The following MARK1 variants were observed in gnomAD, a reference collection of about 807,000 sequenced individuals.
MARK1 encodes the protein microtubule affinity regulating kinase 1.
Under a neutral mutation model 96.3 loss-of-function variants are expected in MARK1, and 40 were observed. The ratio of observed to expected loss-of-function variants is 0.42; its 90% CI spans 0.32 to 0.54. The LOEUF (loss-of-function observed/expected upper bound fraction) is 0.54. Among genes scored for constraint, MARK1 ranks in the 20% least tolerant of loss-of-function variants. MARK1 has a pLI of 0.16. For missense variants in MARK1, 719 were observed against 984.6 expected (o/e 0.73, Z 3.61); for synonymous variants, 317 against 341.2 (o/e 0.93, Z 0.78).
In MARK1 at chr1:220,635,974, C is replaced by G; in HGVS notation, c.1418C>G (p.Thr473Ser). The change falls in exon 13 of 18, where the codon ACT becomes AGT. Residue 473 changes from threonine (T) to serine (S), a missense_variant. By Grantham distance (58) the Thr-to-Ser change is moderately conservative (BLOSUM62 1). This residue lies in a region of MARK1 where 501 missense variants were observed against 588.3 expected (regional missense o/e 0.85). Coordinates refer to ENST00000366917, the MANE Select transcript of MARK1 (RefSeq NM_018650.5). ...STTVGSKSEMTASPLVGPERK... is the reference protein window; with the variant it reads ...STTVGSKSEMSASPLVGPERK... ...ACAGTTGGATCAAAAAGCGAGATGACTGCAAGCCCTCTTGTAGGGCCAGAG... is the reference window on the plus strand; with the variant it reads ...ACAGTTGGATCAAAAAGCGAGATGAGTGCAAGCCCTCTTGTAGGGCCAGAG... The G allele has an allele frequency of 4.3e-6, 7 of 1,613,972 alleles. No homozygotes were observed. Among genetic ancestry groups the G allele is most frequent in the Non-Finnish European group, 5.9e-6 (7 of 1,179,958 alleles).
chr1:220,549,673 T>C (rs944305144), intron 1 of MARK1, among the ~76,000 whole-genome samples: 2 of 152,198 alleles, frequency 1.3e-5, no homozygotes, highest in African/African-American at 4.8e-5. Context: ...GAGAGTTGTT[T>C]AGTGACATAG....
Position 220,576,332 on chromosome 1 carries a change from G to C in MARK1, c.52-3022G>C, listed in dbSNP as rs1663847028. Among the ~76,000 whole-genome samples, 3 of 151,308 alleles carry C rather than the reference G, an allele frequency of 2.0e-5. No homozygotes were observed. In the South Asian group the frequency reaches 6.2e-4, roughly 31 times the overall value. On this transcript the variant is annotated intron_variant, in intron 1 of 17. Transcript: ENST00000366917. Reference sequence around the variant, plus strand: ...AGTCTGGATAAGTCCTTCTCATGGTGATGGCAGACAGCAAGTTGAGACACA... The same window carrying C: ...AGTCTGGATAAGTCCTTCTCATGGTCATGGCAGACAGCAAGTTGAGACACA...
At chr1:220,585,676 C>T (rs74139779) in intron 3 of MARK1, among the ~76,000 whole-genome samples, 1,723 of 152,266 alleles carry the variant, frequency 0.011, 25 homozygotes, top group African/African-American at 0.04. Flanking sequence ...CAGTCTTTCA[C>T]GTTTTGAGTT....
chr1:220,616,837 C>G (rs959139235), intron 7 of MARK1, among the ~76,000 whole-genome samples: 1 of 152,130 alleles, frequency 6.6e-6, no homozygotes, highest in Non-Finnish European at 1.5e-5. Flanking sequence ...AAGAACTGTT[C>G]CCCTGCTTCT....
intron 15 of MARK1, among the ~76,000 whole-genome samples, chr1:220,652,672 T>A (rs1572239794): frequency 6.6e-6 from 1 of 152,234 alleles, no homozygotes; most frequent in East Asian, 1.9e-4. Flanking sequence ...TAACCCTCTG[T>A]TAGATTTGTT....
chr1:220,626,187 T>C, intron 9 of MARK1: 2 of 580,164 alleles, frequency 3.4e-6, no homozygotes, highest in South Asian at 3.1e-5. Context: ...CTGGCTTCTA[T>C]TACATCAATG....
At chr1:220,605,108 A>C (rs897916880) in intron 6 of MARK1, among the ~76,000 whole-genome samples, 2 of 152,188 alleles carry the variant, frequency 1.3e-5, no homozygotes, top group African/African-American at 4.8e-5. Flanking sequence ...CAAATAGAGA[A>C]GTCCTGAAAG....
intron 5 of MARK1, 32 bp from the exon 6 acceptor site, chr1:220,604,035 A>G: frequency 6.9e-7 from 1 of 1,448,364 alleles, no homozygotes; most frequent in South Asian, 1.3e-5. Context: ...ATCTATGTAT[A>G]TTTTACTACC....
intron 16 of MARK1, among the ~76,000 whole-genome samples, chr1:220,656,276 A>G (rs7544698): frequency 0.015 from 2,229 of 152,216 alleles, 49 homozygotes; most frequent in African/African-American, 0.049. Context: ...AATTTTTCCA[A>G]TGTTCCTACT....
intron 1 of MARK1, among the ~76,000 whole-genome samples, chr1:220,576,283 T>C (rs942751641): frequency 6.6e-6 from 1 of 151,832 alleles, no homozygotes; most frequent in Non-Finnish European, 1.5e-5. Flanking sequence ...CTCTGCTCCA[T>C]GTATTTCTCA....
rs952565006 is a variant in MARK1 at position 220,623,319 on chromosome 1, A to G, written c.909+4564A>G. Among the ~76,000 whole-genome samples, 5 of 152,304 alleles carry G rather than the reference A, an allele frequency of 3.3e-5. No homozygotes were observed. In the East Asian group the frequency reaches 5.8e-4, roughly 18 times the overall value. Reference sequence around the variant, plus strand: ...TTTACATATGCATGAGGTTCACACAACTAAGGGCAGGTAGTCCATATCTCT... The same window carrying G: ...TTTACATATGCATGAGGTTCACACAGCTAAGGGCAGGTAGTCCATATCTCT... On this transcript the variant is annotated intron_variant, in intron 9 of 17. Coordinates refer to ENST00000366917, the MANE Select transcript of MARK1 (RefSeq NM_018650.5).
chr1:220,598,417 T>TAA (rs1553326402), intron 4 of MARK1, 38 bp downstream of exon 4: 12 of 229,290 alleles, frequency 5.2e-5, no homozygotes, highest in Admixed American at 2.4e-4. Flanking sequence ...TATATATATA[T>TAA]AATTAGCGAT....
intron 16 of MARK1, among the ~76,000 whole-genome samples, chr1:220,656,919 T>C (rs1669208315): frequency 6.6e-6 from 1 of 152,120 alleles, no homozygotes; most frequent in Non-Finnish European, 1.5e-5. Context: ...TTTTATGAAT[T>C]TGGGGGATGG....
chr1:220,651,185 T>A (rs1351960125), intron 14 of MARK1, among the ~76,000 whole-genome samples: 1 of 152,210 alleles, frequency 6.6e-6, no homozygotes, highest in Non-Finnish European at 1.5e-5. Flanking sequence ...TTTCAAATAA[T>A]AATAAATCAT....
At chr1:220,563,915 AC>A (rs1558261607) in intron 1 of MARK1, among the ~76,000 whole-genome samples, 2 of 152,174 alleles carry the variant, frequency 1.3e-5, no homozygotes, top group Non-Finnish European at 2.9e-5. Flanking sequence ...GCTTTAAAAA[AC>A]TGATAATCCA....
rs564034212 is a variant in MARK1, at chr1:220,591,978, C to T, written c.310-6353C>T. Among the ~76,000 whole-genome samples, 14 of 151,954 alleles carry T rather than the reference C, an allele frequency of 9.2e-5. No homozygotes were observed. The South Asian group carries it at 2.5e-3, about 27-fold the overall frequency. On this transcript the variant is annotated intron_variant, in intron 3 of 17. Coordinates refer to ENST00000366917, the MANE Select transcript of MARK1 (RefSeq NM_018650.5). ...ACCTAGCTGGACAGCAGTCTAGCAG[C>T]TTTTATCTAGTATTTCCAAAGTATT...
Position 220,632,318 on chromosome 1 carries a change from GT to G in MARK1, c.1122+10del. ...CTAGGTAGAAAACCACCTGAAGTAA[GT>G]TTTTCACCTTTTCAGATTACTGTGA... On this transcript the variant is annotated splice_donor_region_variant and intron_variant, in intron 11 of 17. Coordinates refer to ENST00000366917, the MANE Select transcript of MARK1 (RefSeq NM_018650.5). 1 of 1,296,884 alleles carries G rather than the reference GT, an allele frequency of 7.7e-7. No individual in the cohort carries two copies. The highest frequency in any genetic ancestry group is 1.1e-6 in the Non-Finnish European group (1 of 932,292). 80.3% of individuals were successfully genotyped at this position (1,296,884 alleles called of 1,614,324 possible).
At position 220,556,498 on chromosome 1, in the gene MARK1, A is replaced by AAC. The variant is rs1553316267; in HGVS notation, c.52-22855_52-22854insCA. Among the ~76,000 whole-genome samples the AAC allele has an allele frequency of 4.1e-5, 6 of 148,138 alleles. No homozygotes were observed. In the East Asian group the frequency reaches 1.0e-3, roughly 25 times the overall value. ...ATGGGACTGTCACAAAAAAAAAAAAAAAAAAAAACAAATTACAGATTTCAT... is the reference window on the plus strand; with the variant it reads ...ATGGGACTGTCACAAAAAAAAAAAAAACAAAAAAAACAAATTACAGATTTCAT... On this transcript the variant is annotated intron_variant, in intron 1 of 17. Transcript: ENST00000366917.
chr1:220,640,439 A>T (rs753894065), intron 13 of MARK1, among the ~76,000 whole-genome samples: 47 of 152,210 alleles, frequency 3.1e-4, no homozygotes, highest in Non-Finnish European at 6.3e-4. Flanking sequence ...TGGCCAGTTG[A>T]TAGCATGGGG....
Sources: allele counts gnomAD v4.1 joint callset (sites outside exome capture counted in the v4.1 genomes callset), GRCh38; gene constraint gnomAD v4.1.1; regional missense constraint gnomAD v4.1.1; transcripts MANE v1.5; gene names NCBI Gene and HGNC (gene_info 2026-07-23, HGNC 2026-07-21).